Variants in ZFP64 observed in about 807,000 individuals in gnomAD.
ZFP64 encodes the protein ZFP64 zinc finger protein.
ZFP64 carries 14 observed loss-of-function variants against 51.6 expected under a neutral mutation model. That is an observed-to-expected ratio of 0.27 (90% CI 0.18 to 0.42). The LOEUF (loss-of-function observed/expected upper bound fraction) is 0.42. ZFP64 is among the 10% of genes least tolerant of loss of function. The pLI is 1.00. For missense variants in ZFP64, 754 were observed against 906.8 expected (o/e 0.83, Z 2.16); for synonymous variants, 375 against 361.4 (o/e 1.04, Z -0.43).
chr20:52,124,893 C>G (rs1453409194), intron 5 of ZFP64, among the ~76,000 whole-genome samples: 1 of 152,074 alleles, frequency 6.6e-6, no homozygotes, highest in African/African-American at 2.4e-5. Context: ...TATGAGCCAC[C>G]ATGCCCGGCC....
chr20:52,119,534 ATAT>A (rs1464004840), intron 5 of ZFP64, among the ~76,000 whole-genome samples: 45 of 41,832 alleles, frequency 1.1e-3, no homozygotes, highest in Non-Finnish European at 1.7e-3. Flanking sequence ...AAAAAAAAAA[ATAT>A]ATATATATAT....
chr20:52,153,032 C>T lies in ZFP64; in HGVS notation c.1160G>A (p.Ser387Asn), dbSNP rs745368507. Residue 387 changes from serine to asparagine, a missense_variant, in exon 6 of 6, where the codon AGC becomes AAC. Ser to Asn is a conservative substitution (Grantham distance 46, BLOSUM62 1). Coordinates refer to ENST00000216923, the MANE Select transcript of ZFP64 (RefSeq NM_018197.3). This position sits in a 1 kb window ranked among gnomAD's most constrained non-coding sequence, Gnocchi z 5.1. ...CCCATGGAACTTCTTCATGTGCTTG[C>T]TCAGGTTGCTGGGCTGTTTGGTGTC... The part of the protein sequence containing the change: ...SFDTKQPSNL[S>N]KHMKKFHGDM... The T allele has an allele frequency of 6.2e-7, 1 of 1,614,094 alleles. No homozygotes were observed. The highest frequency in any genetic ancestry group is 8.5e-7 in the Non-Finnish European group (1 of 1,180,040).
intron 8 of ZFP64, among the ~76,000 whole-genome samples, chr20:52,087,059 G>GCCA (rs2078872687): frequency 6.6e-6 from 1 of 152,078 alleles, no homozygotes; most frequent in Non-Finnish European, 1.5e-5. Context: ...GCTGGGTATA[G>GCCA]AATTCTAAGT....
chr20:52,146,279 C>T (rs1015179538), downstream of ZFP64, among the ~76,000 whole-genome samples: 3 of 152,160 alleles, frequency 2.0e-5, no homozygotes, highest in African/African-American at 7.2e-5. Context: ...CACATGCACA[C>T]ATATGTTTAT....
intron 7 of ZFP64, among the ~76,000 whole-genome samples, chr20:52,093,577 C>T (rs1348727702): frequency 6.6e-6 from 1 of 152,208 alleles, no homozygotes; most frequent in Non-Finnish European, 1.5e-5. Flanking sequence ...AGGCAATAAA[C>T]CACACTAGTA....
At position 52,164,676 on chromosome 20, in the gene ZFP64, C is replaced by T. The variant is rs773804601; in HGVS notation, c.511+19G>A. ...AGAGCAGGTGTTGAGGGCATATGCG[C>T]TAAAGAAATGCTACTTACCCGTGTG... On this transcript the variant is annotated intron_variant, in intron 4 of 5. Transcript: ENST00000216923. 34 of 1,611,672 alleles carry T rather than the reference C, an allele frequency of 2.1e-5. No individual in the cohort carries two copies. The South Asian group carries it at 3.6e-4, about 17-fold the overall frequency.
chr20:52,121,723 G>C (rs1027205980), intron 5 of ZFP64, among the ~76,000 whole-genome samples: 1 of 152,196 alleles, frequency 6.6e-6, no homozygotes, highest in African/African-American at 2.4e-5. Context: ...AGGCTACACT[G>C]AGCAACAGAT....
intron 2 of ZFP64, 90 bp from the exon 3 acceptor site, chr20:52,166,115 T>C (rs2123034367): frequency 7.4e-7 from 1 of 1,359,854 alleles, no homozygotes; most frequent in South Asian, 1.5e-5. Context: ...AGAATGCATG[T>C]ACTAGTTTGC....
At chr20:52,118,435 G>C (rs1013188198) in intron 5 of ZFP64, among the ~76,000 whole-genome samples, 15 of 152,170 alleles carry the variant, frequency 9.9e-5, no homozygotes, top group African/African-American at 3.6e-4. Flanking sequence ...GCAGGGTGTG[G>C]CAGGCCTGGA....
chr20:52,189,412 A>G (rs1984211572), intron 1 of ZFP64, among the ~76,000 whole-genome samples: 1 of 151,508 alleles, frequency 6.6e-6, no homozygotes. Flanking sequence ...AAAAAATTGC[A>G]TAAGATCATA....
Position 52,164,773 on chromosome 20 carries a change from A to T in ZFP64, c.449-16T>A. 6.6e-7 allele frequency: 1 copy of T among 1,518,574 alleles called. No homozygotes were observed. 94.1% of individuals were successfully genotyped at this position (1,518,574 alleles called of 1,614,324 possible). On this transcript the variant is annotated splice_polypyrimidine_tract_variant and intron_variant, in intron 3 of 5. Transcript: ENST00000216923. The stretch of plus-strand genomic sequence containing the variant: ...AATTGGCAACCTAAAAAAAAAAAGG[A>T]AAGATTAATTACAAAGGAAAACTTA...
Position 52,152,323 on chromosome 20 carries a change from C to T in ZFP64, c.1869G>A (p.Glu623=). 1 of 1,614,196 alleles carries T rather than the reference C, an allele frequency of 6.2e-7. No individual in the cohort carries two copies. The highest frequency in any genetic ancestry group is 8.5e-7 in the Non-Finnish European group (1 of 1,180,038). Residue 623 remains glutamate (E), a synonymous_variant, in exon 6 of 6, where the codon GAG becomes GAA. Coordinates refer to ENST00000216923, the MANE Select transcript of ZFP64 (RefSeq NM_018197.3). ...DFEGLNALIQ[E]GTAEVTVVSD... is the part of the protein sequence containing the mutation. ...TCACCACTGTCACTTCTGCTGTCCC[C>T]TCCTGAATCAAGGCGTTTAGGCCTT... is the stretch of plus-strand genomic sequence containing the variant.
chr20:52,191,123 G>A lies in ZFP64; in HGVS notation c.46+468C>T, dbSNP rs1984335965. Among the ~76,000 whole-genome samples, 1 of 152,158 alleles carries A rather than the reference G, an allele frequency of 6.6e-6. No individual in the cohort carries two copies. The highest frequency in any genetic ancestry group is 2.4e-5 in the African/African-American group (1 of 41,440). On this transcript the variant is annotated intron_variant, in intron 1 of 5. Coordinates refer to ENST00000216923, the MANE Select transcript of ZFP64 (RefSeq NM_018197.3). The surrounding 1 kb of genome is among the most constrained non-coding windows in gnomAD (Gnocchi z 4.3). ...GATCTCCACCCTTAATGAGGAAAAG[G>A]CTTTGCAATGAGCCGGCAGGACCTC...
rs1351208896 is a variant in ZFP64, at chr20:52,085,914, G to A, written c.1229-648C>T. 2.0e-5 allele frequency among the ~76,000 whole-genome samples: 3 copies of A among 152,124 alleles called. No homozygotes were observed. Among genetic ancestry groups the A allele is most frequent in the South Asian group, 2.1e-4 (1 of 4,822 alleles). ...TGTTTTTGAGGTTGCTGCTTTAAACGTCAGTTGAATATACACAAAGATAAG... is the reference window on the plus strand; with the variant it reads ...TGTTTTTGAGGTTGCTGCTTTAAACATCAGTTGAATATACACAAAGATAAG... On this transcript the variant is annotated intron_variant, in intron 8 of 8. Coordinates refer to the ZFP64 transcript ENST00000361387. The surrounding 1 kb of genome is among the most constrained non-coding windows in gnomAD (Gnocchi z 4.3).
intron 2 of ZFP64, among the ~76,000 whole-genome samples, chr20:52,182,948 G>A (rs1983713925): frequency 6.6e-6 from 1 of 152,078 alleles, no homozygotes; most frequent in Non-Finnish European, 1.5e-5. Context: ...TTAAATATGG[G>A]ACATGACCTG....
At chr20:52,101,893 C>T (rs544255405) in intron 5 of ZFP64, among the ~76,000 whole-genome samples, 4 of 145,332 alleles carry the variant, frequency 2.8e-5, no homozygotes, top group East Asian at 2.0e-4. Context: ...CTGAGGCAGG[C>T]GTCCCATCCT....
At chr20:52,143,300 C>G (rs565859631) in intron 5 of ZFP64, among the ~76,000 whole-genome samples, 1 of 142,436 alleles carries the variant, frequency 7.0e-6, no homozygotes, top group Admixed American at 7.3e-5. Context: ...GATTCTGGCC[C>G]TATCCCCTTT....
At position 52,152,472 on chromosome 20, in the gene ZFP64, G is replaced by A. The variant is rs1331164256; in HGVS notation, c.1720C>T (p.His574Tyr). Reference sequence around the variant, plus strand: ...AGAGTGGCTCCGTCCGTCTGCTCGTGGGTGGTCAGCAGGACAGCCGGCTGG... The same window carrying A: ...AGAGTGGCTCCGTCCGTCTGCTCGTAGGTGGTCAGCAGGACAGCCGGCTGG... The part of the protein sequence containing the change: ...MTQPAVLLTT[H>Y]EQTDGATLHQ... The change falls in exon 6 of 6, where the codon CAC becomes TAC. Residue 574 changes from histidine to tyrosine, a missense_variant. This residue lies in a region of ZFP64 where 428 missense variants were observed against 472.4 expected (regional missense o/e 0.91). Coordinates refer to ENST00000216923, the MANE Select transcript of ZFP64 (RefSeq NM_018197.3). The A allele has an allele frequency of 6.2e-7, 1 of 1,613,110 alleles. No homozygotes were observed. Among genetic ancestry groups the A allele is most frequent in the Non-Finnish European group, 8.5e-7 (1 of 1,179,700 alleles).
chr20:52,100,909 C>T (rs1459088439), intron 5 of ZFP64, among the ~76,000 whole-genome samples: 5 of 152,162 alleles, frequency 3.3e-5, no homozygotes, highest in African/African-American at 4.8e-5. Context: ...CTTCAGATGT[C>T]GCAAGTGAGG....
Sources: allele counts gnomAD v4.1 joint callset (sites outside exome capture counted in the v4.1 genomes callset), GRCh38; gene constraint gnomAD v4.1.1; regional missense constraint gnomAD v4.1.1; non-coding constraint Gnocchi (gnomAD v3.1); transcripts MANE v1.5; gene names NCBI Gene and HGNC (gene_info 2026-07-23, HGNC 2026-07-21).